The following PDS5A variants were observed in gnomAD, a reference collection of about 807,000 sequenced individuals.
PDS5A encodes the protein sister chromatid cohesion protein PDS5 homolog A.
A neutral mutation model predicts 167.1 loss-of-function variants in PDS5A; 42 were observed. The ratio of observed to expected loss-of-function variants is 0.25; its 90% confidence interval spans 0.20 to 0.33. The LOEUF is 0.33. Ranked by LOEUF, PDS5A falls within the 10% of genes least tolerant of loss-of-function variation. The pLI is 1.00. For missense variants in PDS5A, 1,033 were observed against 1,605.9 expected (o/e 0.64, Z 6.10); for synonymous variants, 553 against 554.6 (o/e 1.00, Z 0.04).
In PDS5A at chr4:39,925,899, A is replaced by C; in HGVS notation, c.464T>G (p.Phe155Cys). 1 of 1,509,770 alleles carries C rather than the reference A, an allele frequency of 6.6e-7. No homozygotes were observed. Among genetic ancestry groups the C allele is most frequent in the Non-Finnish European group, 9.1e-7 (1 of 1,102,690 alleles). 93.5% of individuals were successfully genotyped at this position (1,509,770 alleles called of 1,614,324 possible). The change falls in exon 5 of 33, where the codon TTT (phenylalanine) becomes TGT (cysteine). Residue 155 changes from phenylalanine (F) to cysteine (C), a missense_variant. Phe to Cys is a radical substitution (Grantham distance 205). Around this residue, in one of 4 missense-constraint regions of PDS5A, gnomAD observed 388 missense variants for 615.1 expected, o/e 0.63. Coordinates refer to ENST00000303538, the MANE Select transcript of PDS5A (RefSeq NM_001100399.2). ...LAWVKSYNIC[F>C]ELEDCNEIFI... ...AATTTCATTGCAATCTTCCAATTCA[A>C]AGCAGATGTTATATGATTTAACCCA...
intron 16 of PDS5A, among the ~76,000 whole-genome samples, chr4:39,895,578 TTACAG>T (rs1722333209): frequency 6.6e-6 from 1 of 152,154 alleles, no homozygotes; most frequent in Non-Finnish European, 1.5e-5. Context: ...AAACAGGACA[TTACAG>T]TACACTACTG....
intron 2 of PDS5A, among the ~76,000 whole-genome samples, chr4:39,936,146 G>A (rs968460718): frequency 3.3e-5 from 5 of 152,172 alleles, no homozygotes; most frequent in Non-Finnish European, 7.3e-5. Context: ...TGGTTTCAAT[G>A]CTGTGTATGT....
At chr4:39,926,630 T>C in intron 4 of PDS5A, 145 bp downstream of exon 4, 3 of 513,814 alleles carry the variant, frequency 5.8e-6, no homozygotes, top group Non-Finnish European at 9.1e-6. Flanking sequence ...AAAAATAAAA[T>C]AATATTTTCC....
At chr4:39,890,722 T>TCC (rs1721885773) in intron 16 of PDS5A, among the ~76,000 whole-genome samples, 3 of 152,046 alleles carry the variant, frequency 2.0e-5, no homozygotes, top group Admixed American at 1.3e-4. Flanking sequence ...GTTCAAATGA[T>TCC]TCTCCTGCCT....
rs114762751 is a variant in PDS5A, at chr4:39,945,928, G to A, written c.139-17764C>T. ...TGAAAGAAAAAAAAGCAGGACAGGC[G>A]CAGTGGCTCACGCCTGTAATCCTAG... On this transcript the variant is annotated intron_variant, in intron 2 of 32. Coordinates refer to ENST00000303538, the MANE Select transcript of PDS5A (RefSeq NM_001100399.2). Among the ~76,000 whole-genome samples, 821 of 152,178 alleles carry A rather than the reference G, an allele frequency of 5.4e-3. 7 individuals carry two copies. The highest frequency in any genetic ancestry group is 0.019 in the African/African-American group (779 of 41,522).
In PDS5A at chr4:39,907,378, G is replaced by A. The variant is rs930026808; in HGVS notation, c.1233+1017C>T. Reference sequence around the variant, plus strand: ...CCCAAACCAATTACTATTCTACCCTGAAATTATAATACTCATTTGCAGACG... The same window carrying A: ...CCCAAACCAATTACTATTCTACCCTAAAATTATAATACTCATTTGCAGACG... On this transcript the variant is annotated intron_variant, in intron 11 of 32. Coordinates refer to ENST00000303538, the MANE Select transcript of PDS5A (RefSeq NM_001100399.2). 7.2e-5 allele frequency among the ~76,000 whole-genome samples: 11 copies of A among 152,140 alleles called. No homozygotes were observed. The East Asian group carries it at 2.1e-3, about 29-fold the overall frequency.
rs376639860 is a variant in PDS5A at position 39,863,354 on chromosome 4, G to C, written c.2748C>G (p.Leu916=). 3.9e-5 allele frequency: 62 copies of C among 1,603,822 alleles called. No individual in the cohort carries two copies. In the African/African-American group the frequency reaches 6.6e-4, roughly 17 times the overall value. ...HEIITPEQFQ[L]CALVINDECY... is the part of the protein sequence containing the mutation. ...TACTTACATTAATAACAAGTGCACAGAGCTGAAACTGTTCTGGGGTAATAA... is the reference window on the plus strand; with the variant it reads ...TACTTACATTAATAACAAGTGCACACAGCTGAAACTGTTCTGGGGTAATAA... Residue 916 remains leucine (L), a synonymous_variant, in exon 24 of 33, where the codon CTC becomes CTG. Transcript: ENST00000303538.
chr4:39,907,469 T>C (rs1723481983), intron 11 of PDS5A, among the ~76,000 whole-genome samples: 1 of 152,222 alleles, frequency 6.6e-6, no homozygotes, highest in African/African-American at 2.4e-5. Context: ...TGAAACATGC[T>C]AGAAATGTTA....
chr4:39,886,439 C>G (rs192265903), intron 17 of PDS5A, among the ~76,000 whole-genome samples: 1 of 151,884 alleles, frequency 6.6e-6, no homozygotes, highest in Non-Finnish European at 1.5e-5. Context: ...TTTGGCCGGG[C>G]GGGGTGGCTC....
At chr4:39,889,824 A>C (rs1721809967) in intron 17 of PDS5A, among the ~76,000 whole-genome samples, 1 of 152,246 alleles carries the variant, frequency 6.6e-6, no homozygotes, top group African/African-American at 2.4e-5. Context: ...ATTTGCCTAA[A>C]GATAATCCTC....
At chr4:39,902,840 T>A (rs1381779283) in intron 12 of PDS5A, among the ~76,000 whole-genome samples, 8 of 152,152 alleles carry the variant, frequency 5.3e-5, no homozygotes, top group Non-Finnish European at 8.8e-5. Flanking sequence ...TTTTAAGTTT[T>A]AACCATCTTA....
In PDS5A at chr4:39,939,666, C is replaced by T. The variant is rs534288548; in HGVS notation, c.139-11502G>A. ...ACAATTAGTCAGGCATGGTGGCACA[C>T]GCCTGTAGAAATCCCAGGTACTTGG... is the stretch of plus-strand genomic sequence containing the variant. On this transcript the variant is annotated intron_variant, in intron 2 of 32. Coordinates refer to ENST00000303538, the MANE Select transcript of PDS5A (RefSeq NM_001100399.2). 4.6e-5 allele frequency among the ~76,000 whole-genome samples: 7 copies of T among 151,742 alleles called. No individual in the cohort carries two copies. The South Asian group carries it at 6.2e-4, about 14-fold the overall frequency.
At position 39,844,821 on chromosome 4, in the gene PDS5A, AC is replaced by A. The variant is rs1717442079; in HGVS notation, c.3403-21del. ...CTTTGGCTAAAAACAAAAACAAAAAACCCCCCAAAAACACACACGTTTATAC... is the reference window on the plus strand; with the variant it reads ...CTTTGGCTAAAAACAAAAACAAAAAACCCCCAAAAACACACACGTTTATAC... On this transcript the variant is annotated intron_variant, in intron 29 of 32. Coordinates refer to ENST00000303538, the MANE Select transcript of PDS5A (RefSeq NM_001100399.2). The A allele has an allele frequency of 1.9e-6, 3 of 1,585,354 alleles. No individual in the cohort carries two copies. In the South Asian group the frequency reaches 3.5e-5, roughly 18 times the overall value.
chr4:39,974,655 C>T (rs960911070), intron 2 of PDS5A, among the ~76,000 whole-genome samples: 6 of 152,112 alleles, frequency 3.9e-5, no homozygotes, highest in Non-Finnish European at 2.9e-5. Flanking sequence ...AGCGATTCTC[C>T]TGCCTCAGCC....
chr4:39,850,697 C>T (rs1362810600), intron 26 of PDS5A, among the ~76,000 whole-genome samples: 1 of 152,196 alleles, frequency 6.6e-6, no homozygotes, highest in Non-Finnish European at 1.5e-5. Flanking sequence ...ATTAAGGAGT[C>T]ACAATCTCAA....
At chr4:39,867,417 G>C (rs970551441) in intron 22 of PDS5A, among the ~76,000 whole-genome samples, 2 of 151,890 alleles carry the variant, frequency 1.3e-5, no homozygotes, top group Non-Finnish European at 2.9e-5. Context: ...TACAGGCCGG[G>C]GGTGGTGACT....
chr4:39,836,615 ATTT>A (rs71645192), intron 32 of PDS5A, among the ~76,000 whole-genome samples: 114 of 106,126 alleles, frequency 1.1e-3, no homozygotes, highest in African/African-American at 3.4e-3. Context: ...ATTTTTTTCT[ATTT>A]TTTTTTTTTT....
At chr4:39,910,376 C>A in intron 9 of PDS5A, 38 bp from the exon 10 acceptor site, 1 of 976,254 alleles carries the variant, frequency 1.0e-6, no homozygotes. Flanking sequence ...AATTGTAAGG[C>A]AAAATAATCA....
intron 8 of PDS5A, among the ~76,000 whole-genome samples, chr4:39,914,168 T>G (rs1388823451): frequency 6.6e-6 from 1 of 150,646 alleles, no homozygotes; most frequent in Non-Finnish European, 1.5e-5. Context: ...ATTTGTTTTT[T>G]TTTTTTTTTT....
Sources: gnomAD v4.1 joint callset for allele counts (sites outside exome capture counted in the v4.1 genomes callset) on GRCh38, gnomAD v4.1.1 for gene constraint, gnomAD v4.1.1 regional missense constraint, MANE v1.5 for transcripts, NCBI Gene and HGNC (gene_info 2026-07-23, HGNC 2026-07-21) for gene names.